EPHA6: variants seen among roughly 807,000 people sequenced by gnomAD.
EPHA6 encodes ephrin type-A receptor 6.
EPHA6 carries 50 observed loss-of-function variants against 112.0 expected under a neutral mutation model. The ratio of observed to expected loss-of-function variants is 0.45; its 90% CI spans 0.36 to 0.56. EPHA6 has a LOEUF of 0.56. Ranked by LOEUF, EPHA6 falls within the 20% of genes least tolerant of loss-of-function variation. The pLI is 0.00. For synonymous variants in EPHA6, 529 were observed against 490.7 expected (o/e 1.08, Z -1.03); for missense variants, 1,280 against 1,417.4 (o/e 0.90, Z 1.56).
chr3:97,217,665 C>A (rs1367183560), intron 3 of EPHA6, among the ~76,000 whole-genome samples: 1 of 151,998 alleles, frequency 6.6e-6, no homozygotes, highest in Non-Finnish European at 1.5e-5. Flanking sequence ...GTAGATATAT[C>A]ACAATATCCA....
At chr3:97,135,200 C>T (rs370242575) in intron 3 of EPHA6, among the ~76,000 whole-genome samples, 5 of 152,268 alleles carry the variant, frequency 3.3e-5, no homozygotes, top group African/African-American at 7.2e-5. Flanking sequence ...AGTGGCACAA[C>T]GCTAACTTTT....
rs112283220 is a variant in EPHA6, at chr3:96,999,686, A to G, written c.1114+11693A>G. Among the ~76,000 whole-genome samples the G allele has an allele frequency of 5.0e-3, 766 of 151,994 alleles. 6 individuals are homozygous for G. Among genetic ancestry groups the G allele is most frequent in the African/African-American group, 0.017 (695 of 41,536 alleles). The stretch of plus-strand genomic sequence containing the variant: ...TCTGCAACAGTCTGTCACTTCACCA[A>G]CAAAATATAGATATTGATCCTCATG... On this transcript the variant is annotated intron_variant, in intron 3 of 17. Coordinates refer to ENST00000389672, the MANE Select transcript of EPHA6 (RefSeq NM_001080448.3).
intron 13 of EPHA6, among the ~76,000 whole-genome samples, chr3:97,634,085 A>G (rs529583133): frequency 2.6e-5 from 4 of 152,226 alleles, no homozygotes; most frequent in South Asian, 2.1e-4. Flanking sequence ...AAAAACTCCA[A>G]TAGATAAGAA....
intron 6 of EPHA6, chr3:97,441,398 T>C (rs926338553): frequency 1.8e-5 from 17 of 948,586 alleles, no homozygotes; most frequent in Non-Finnish European, 1.9e-5. Context: ...CATTTCACAT[T>C]TTAAAAACAA....
intron 3 of EPHA6, among the ~76,000 whole-genome samples, chr3:97,065,993 A>T (rs1254606449): frequency 6.6e-6 from 1 of 152,104 alleles, no homozygotes; most frequent in Non-Finnish European, 1.5e-5. Flanking sequence ...TTTTAATACA[A>T]GTTTACTAGC....
intron 3 of EPHA6, among the ~76,000 whole-genome samples, chr3:97,218,972 A>G (rs1368787082): frequency 1.3e-5 from 2 of 152,114 alleles, no homozygotes; most frequent in African/African-American, 4.8e-5. Flanking sequence ...GGCCTCCTGT[A>G]AGTCTGAAAT....
chr3:97,542,865 G>T (rs191857532), intron 11 of EPHA6, among the ~76,000 whole-genome samples: 3 of 152,034 alleles, frequency 2.0e-5, no homozygotes, highest in Non-Finnish European at 2.9e-5. Flanking sequence ...GCATTTTTTC[G>T]TGTGTTTTTT....
At chr3:97,174,178 C>T (rs1408344799) in intron 3 of EPHA6, among the ~76,000 whole-genome samples, 1 of 151,654 alleles carries the variant, frequency 6.6e-6, no homozygotes, top group Admixed American at 6.6e-5. Flanking sequence ...GCTTATTTCA[C>T]TTAACATAAT....
intron 3 of EPHA6, among the ~76,000 whole-genome samples, chr3:96,994,457 G>A (rs573072204): frequency 1.7e-4 from 26 of 151,994 alleles, no homozygotes; most frequent in African/African-American, 5.5e-4. Context: ...ACATCAAATG[G>A]TCTTTCAGTT....
intron 15 of EPHA6, among the ~76,000 whole-genome samples, chr3:97,727,364 GT>G (rs1192044513): frequency 6.6e-6 from 1 of 151,976 alleles, no homozygotes; most frequent in East Asian, 1.9e-4. Flanking sequence ...GAATTGATTT[GT>G]TTTTTCCAAA....
Position 97,282,002 on chromosome 3 carries a change from T to G in EPHA6, c.1606+37715T>G, listed in dbSNP as rs559096396. On this transcript the variant is annotated intron_variant, in intron 5 of 17. Transcript: ENST00000389672. ...GTTCAGTATGTGGCTGATTAAGATT[T>G]TCAAGGCATTATATGATTCTATAGT... Among the ~76,000 whole-genome samples, 3 of 152,350 alleles carry G rather than the reference T, an allele frequency of 2.0e-5. No individual in the cohort carries two copies. The East Asian group carries it at 5.8e-4, about 29-fold the overall frequency.
chr3:96,822,428 G>A (rs948351667), intron 1 of EPHA6, among the ~76,000 whole-genome samples: 2 of 151,684 alleles, frequency 1.3e-5, no homozygotes, highest in Admixed American at 6.6e-5. Context: ...CTAGTTTCCC[G>A]GGATTCTGAG....
intron 3 of EPHA6, among the ~76,000 whole-genome samples, chr3:97,225,460 C>G (rs2108542523): frequency 6.6e-6 from 1 of 152,150 alleles, no homozygotes; most frequent in South Asian, 2.1e-4. Flanking sequence ...AAAATGTTAG[C>G]AATGTTTCTC....
At chr3:97,454,578 G>T (rs77193836) in intron 7 of EPHA6, among the ~76,000 whole-genome samples, 2,280 of 151,900 alleles carry the variant, frequency 0.015, 51 homozygotes, top group African/African-American at 0.051. Context: ...TAACTGGCTT[G>T]AGTCATGTAA....
intron 5 of EPHA6, among the ~76,000 whole-genome samples, chr3:97,369,874 A>G (rs2084951425): frequency 6.6e-6 from 1 of 152,226 alleles, no homozygotes; most frequent in Non-Finnish European, 1.5e-5. Context: ...TATAACAGCA[A>G]TCTACCAGAT....
chr3:97,080,028 G>T (rs570796482), intron 3 of EPHA6, among the ~76,000 whole-genome samples: 1 of 152,142 alleles, frequency 6.6e-6, no homozygotes, highest in South Asian at 2.1e-4. Context: ...AAACCAAAGG[G>T]TCTGTGTGAC....
rs534926615 is a variant in EPHA6 at position 97,749,530 on chromosome 3, C to G, written c.*829C>G. On this transcript the variant is annotated 3_prime_UTR_variant, in exon 18 of 18. Coordinates refer to ENST00000389672, the MANE Select transcript of EPHA6 (RefSeq NM_001080448.3). ...AAAGACCAAGGGTGACTTCATTGAT[C>G]TAATGGCTTTCATAGAGAAAAGCTT... is the stretch of plus-strand genomic sequence containing the variant. 7.9e-5 allele frequency among the ~76,000 whole-genome samples: 12 copies of G among 152,196 alleles called. No individual in the cohort carries two copies. In the South Asian group the frequency reaches 2.5e-3, roughly 32 times the overall value.
At chr3:97,479,405 T>C (rs2091467640) in intron 9 of EPHA6, 41 bp downstream of exon 9, 1 of 1,386,224 alleles carries the variant, frequency 7.2e-7, no homozygotes, top group African/African-American at 1.5e-5. Context: ...TTTGTACTGT[T>C]CCAGCACTTC....
chr3:97,490,024 T>G (rs2107518842), intron 10 of EPHA6, among the ~76,000 whole-genome samples: 1 of 152,238 alleles, frequency 6.6e-6, no homozygotes, highest in Admixed American at 6.5e-5. Context: ...TATATACAGA[T>G]TTCCAAAACT....
Sources: allele counts gnomAD v4.1 joint callset (sites outside exome capture counted in the v4.1 genomes callset), GRCh38; gene constraint gnomAD v4.1.1; transcripts MANE v1.5; gene names NCBI Gene and HGNC (gene_info 2026-07-23, HGNC 2026-07-21).